ARNT2: variants seen among roughly 807,000 people sequenced by gnomAD.
ARNT2 encodes aryl hydrocarbon receptor nuclear translocator 2.
Under a neutral mutation model 91.7 loss-of-function variants are expected in ARNT2, and 36 were observed. The ratio of observed to expected loss-of-function variants is 0.39; its 90% CI spans 0.30 to 0.52. The LOEUF (loss-of-function observed/expected upper bound fraction) is 0.52. ARNT2 is among the 20% of genes least tolerant of loss of function. The probability of loss-of-function intolerance (pLI) is 0.72; values close to 1 mark genes in which losing one functional copy is unlikely to be tolerated. For missense variants in ARNT2, 775 were observed against 939.3 expected (o/e 0.83, Z 2.29); for synonymous variants, 365 against 347.1 (o/e 1.05, Z -0.57).
chr15:80,563,972 A>T (rs149607862), intron 12 of ARNT2, among the ~76,000 whole-genome samples: 10 of 152,340 alleles, frequency 6.6e-5, no homozygotes, highest in African/African-American at 2.4e-4. Context: ...TGAACAGGTC[A>T]TGCCTCCTCT....
chr15:80,459,991 T>C (rs542890090), intron 3 of ARNT2, among the ~76,000 whole-genome samples: 2 of 152,328 alleles, frequency 1.3e-5, no homozygotes, highest in South Asian at 4.1e-4. Context: ...CTGTGGCTGC[T>C]GTCCAGGGGA....
chr15:80,468,239 A>G (rs987992106), intron 3 of ARNT2, among the ~76,000 whole-genome samples: 2 of 151,980 alleles, frequency 1.3e-5, no homozygotes, highest in African/African-American at 4.8e-5. Context: ...ACCAGGCCTC[A>G]GGAATCTCCC....
chr15:80,571,890 C>T (rs1437389830), intron 12 of ARNT2, among the ~76,000 whole-genome samples: 2 of 152,208 alleles, frequency 1.3e-5, no homozygotes, highest in East Asian at 1.9e-4. Flanking sequence ...TTGACAACCA[C>T]TTAACCTCTT....
At chr15:80,516,025 A>G (rs762849666) in intron 8 of ARNT2, among the ~76,000 whole-genome samples, 2 of 151,742 alleles carry the variant, frequency 1.3e-5, no homozygotes, top group Non-Finnish European at 2.9e-5. Flanking sequence ...TCCCACCACC[A>G]CACCCAGCTA....
intron 12 of ARNT2, among the ~76,000 whole-genome samples, chr15:80,572,403 T>C (rs1420142977): frequency 1.3e-5 from 2 of 151,920 alleles, no homozygotes; most frequent in African/African-American, 2.4e-5. Flanking sequence ...TTCCTGGTGG[T>C]TCCTCCCCAG....
Position 80,591,836 on chromosome 15 carries a change from A to T in ARNT2, c.2055+132A>T. The T allele has an allele frequency of 7.1e-7, 1 of 1,403,950 alleles. No individual in the cohort carries two copies. Among genetic ancestry groups the T allele is most frequent in the Non-Finnish European group, 9.5e-7 (1 of 1,049,096 alleles). 87.0% of individuals were successfully genotyped at this position (1,403,950 alleles called of 1,614,324 possible). On this transcript the variant is annotated intron_variant, in intron 18 of 18. Coordinates refer to ENST00000303329, the MANE Select transcript of ARNT2 (RefSeq NM_014862.4). The surrounding 1 kb of genome is among the most constrained non-coding windows in gnomAD (Gnocchi z 5.1). ...TTCTGGCCCAGCCTGGGCTCGAGGG[A>T]GTCCAGGAGTAGAAAGCCCCATCCT...
intron 8 of ARNT2, among the ~76,000 whole-genome samples, chr15:80,525,901 G>A (rs563777882): frequency 4.6e-5 from 7 of 152,326 alleles, no homozygotes; most frequent in African/African-American, 1.7e-4. Flanking sequence ...TGGTTAGGAA[G>A]TATGAAGATT....
At chr15:80,512,326 G>A (rs1375037684) in intron 6 of ARNT2, among the ~76,000 whole-genome samples, 2 of 152,194 alleles carry the variant, frequency 1.3e-5, no homozygotes, top group Admixed American at 6.5e-5. Flanking sequence ...GAGCCTCGCT[G>A]TTCTTTTCTC....
At chr15:80,539,576 G>A (rs71455339) in intron 8 of ARNT2, among the ~76,000 whole-genome samples, 2,411 of 152,158 alleles carry the variant, frequency 0.016, 35 homozygotes, top group Middle Eastern at 0.071. Flanking sequence ...CAATGTTTTG[G>A]AATTTCCAAG....
chr15:80,514,534 C>A, intron 8 of ARNT2, 129 bp downstream of exon 8: 1 of 782,290 alleles, frequency 1.3e-6, no homozygotes, highest in Admixed American at 2.6e-5. Flanking sequence ...GTGGTTAGAA[C>A]ACAATGATCT....
intron 11 of ARNT2, among the ~76,000 whole-genome samples, chr15:80,562,010 G>A (rs1245091818): frequency 6.6e-6 from 1 of 151,986 alleles, no homozygotes; most frequent in Non-Finnish European, 1.5e-5. Context: ...AGCATCCACT[G>A]GGGGTTTTGG....
intron 11 of ARNT2, among the ~76,000 whole-genome samples, chr15:80,558,034 G>T (rs1898230422): frequency 6.6e-6 from 1 of 152,104 alleles, no homozygotes; most frequent in Admixed American, 6.5e-5. Context: ...CCTTCTTTTT[G>T]TTCCTTGAAC....
intron 6 of ARNT2, among the ~76,000 whole-genome samples, chr15:80,513,513 C>T (rs543423027): frequency 1.4e-4 from 21 of 152,282 alleles, no homozygotes; most frequent in African/African-American, 5.1e-4. Context: ...GTTGATGTCA[C>T]TGCTCAGGCC....
At chr15:80,448,380 C>T (rs1319330054) in intron 1 of ARNT2, among the ~76,000 whole-genome samples, 1 of 152,162 alleles carries the variant, frequency 6.6e-6, no homozygotes, top group Non-Finnish European at 1.5e-5. Context: ...AAAGAAAGAT[C>T]ACTTGTGGGC....
chr15:80,593,997 C>A lies in ARNT2; in HGVS notation c.*299C>A, dbSNP rs1893331432. The A allele has an allele frequency of 8.9e-6, 3 of 338,408 alleles. No individual in the cohort carries two copies. Among genetic ancestry groups the A allele is most frequent in the Non-Finnish European group, 1.6e-5 (3 of 184,380 alleles). The allele number at this position is 338,408 out of a possible 1,614,324, so 21.0% of individuals were successfully genotyped here. A position where few individuals can be genotyped will look rare whatever the true frequency, so the allele number is the denominator to read the frequency against. Reference sequence around the variant, plus strand: ...GTCCTTAAGTTTGGTTGTGAATAATCTCTTGATAGACAATTTATACCCATG... The same window carrying A: ...GTCCTTAAGTTTGGTTGTGAATAATATCTTGATAGACAATTTATACCCATG... On this transcript the variant is annotated 3_prime_UTR_variant, in exon 19 of 19. Coordinates refer to ENST00000303329, the MANE Select transcript of ARNT2 (RefSeq NM_014862.4).
At chr15:80,541,740 G>A (rs1485183879) in intron 8 of ARNT2, among the ~76,000 whole-genome samples, 2 of 152,200 alleles carry the variant, frequency 1.3e-5, no homozygotes, top group Non-Finnish European at 2.9e-5. Flanking sequence ...ACAATGCTTG[G>A]AAGATAGAAA....
chr15:80,478,335 C>G (rs1410260403), intron 5 of ARNT2, among the ~76,000 whole-genome samples: 1 of 152,212 alleles, frequency 6.6e-6, no homozygotes, highest in East Asian at 1.9e-4. Context: ...GTGTAGCCAG[C>G]TGGTTCATCA....
At chr15:80,470,483 C>T (rs1896718115) in intron 4 of ARNT2, 52 bp downstream of exon 4, 1 of 1,582,644 alleles carries the variant, frequency 6.3e-7, no homozygotes, top group African/African-American at 1.3e-5. Context: ...CCCAGCGTCA[C>T]CAAGACGAAA....
At chr15:80,527,045 C>T (rs1378130185) in intron 8 of ARNT2, among the ~76,000 whole-genome samples, 1 of 152,346 alleles carries the variant, frequency 6.6e-6, no homozygotes, top group South Asian at 2.1e-4. Flanking sequence ...CCTCACCAGG[C>T]ATCAAAGCCA....
Sources: gnomAD v4.1 joint callset for allele counts (sites outside exome capture counted in the v4.1 genomes callset) on GRCh38, gnomAD v4.1.1 for gene constraint, Gnocchi (gnomAD v3.1) non-coding constraint, MANE v1.5 for transcripts, NCBI Gene and HGNC (gene_info 2026-07-23, HGNC 2026-07-21) for gene names.